The following ABT1 variants were observed in gnomAD, a reference collection of about 807,000 sequenced individuals.
ABT1 encodes the protein TATA-binding protein-binding protein.
A neutral mutation model predicts 14.0 loss-of-function variants in ABT1; 13 were observed. The ratio of observed to expected loss-of-function variants is 0.93; its 90% CI spans 0.61 to 1.48. The LOEUF is 1.48. ABT1 is among the 40% of genes most tolerant of loss of function. The pLI is 0.00. For synonymous variants in ABT1, 165 were observed against 144.6 expected (o/e 1.14, Z -1.01); for missense variants, 430 against 380.0 (o/e 1.13, Z -1.09).
Position 26,597,238 on chromosome 6 carries a change from C to T in ABT1, c.241+15C>T. On this transcript the variant is annotated intron_variant, in intron 1 of 2. Coordinates refer to ENST00000274849, the MANE Select transcript of ABT1 (RefSeq NM_013375.4). ...TCAGGCTGAGGGTAAGTATGCAGGCCCTGACGGTGACAGGAGGAGGTTGTC... is the reference window on the plus strand; with the variant it reads ...TCAGGCTGAGGGTAAGTATGCAGGCTCTGACGGTGACAGGAGGAGGTTGTC... 1 of 1,610,738 alleles carries T rather than the reference C, an allele frequency of 6.2e-7. No homozygotes were observed. Among genetic ancestry groups the T allele is most frequent in the Non-Finnish European group, 8.5e-7 (1 of 1,177,604 alleles).
rs782567643 is a variant in ABT1, at chr6:26,598,075, C to T, written c.403C>T (p.Arg135Cys). The T allele has an allele frequency of 1.6e-5, 26 of 1,613,292 alleles. No homozygotes were observed. The highest frequency in any genetic ancestry group is 3.3e-5 in the Admixed American group (2 of 59,970). Residue 135 changes from arginine (R) to cysteine (C), a missense_variant, in exon 2 of 3, where the codon CGC becomes TGC. Physicochemically the swap from Arg to Cys is radical, Grantham distance 180. Transcript: ENST00000274849. The stretch of plus-strand genomic sequence containing the variant: ...CAACACGCCTATGGGTGCCCGCAGG[C>T]GCAGCCCCTTCCGTTATGATCTTTG... ...LHNTPMGARR[R>C]SPFRYDLWNL...
intron 1 of ABT1, among the ~76,000 whole-genome samples, chr6:26,597,528 G>T (rs558633956): frequency 1.3e-5 from 2 of 152,278 alleles, no homozygotes; most frequent in African/African-American, 4.8e-5. Context: ...CCTGTTTACT[G>T]GTTTGTTACA....
At position 26,598,087 on chromosome 6, in the gene ABT1, C is replaced by T; in HGVS notation, c.415C>T (p.Arg139Cys). 6.2e-7 allele frequency: 1 copy of T among 1,610,944 alleles called. No individual in the cohort carries two copies. Reference sequence around the variant, plus strand: ...GGGTGCCCGCAGGCGCAGCCCCTTCCGTTATGATCTTTGGAACCTCAAGGT... The same window carrying T: ...GGGTGCCCGCAGGCGCAGCCCCTTCTGTTATGATCTTTGGAACCTCAAGGT... ...PMGARRRSPF[R>C]YDLWNLKYLH... The change falls in exon 2 of 3, where the codon CGT (arginine) becomes TGT (cysteine). Residue 139 changes from arginine to cysteine, a missense_variant. Coordinates refer to ENST00000274849, the MANE Select transcript of ABT1 (RefSeq NM_013375.4).
chr6:26,596,979 C>T lies in ABT1; in HGVS notation c.-4C>T. ...CGGCCGTCGTGCCGCTCGTGTCAGT[C>T]AACATGGAGGCAGAGGAATCGGAGA... On this transcript the variant is annotated 5_prime_UTR_variant, in exon 1 of 3. Coordinates refer to ENST00000274849, the MANE Select transcript of ABT1 (RefSeq NM_013375.4). 6.2e-7 allele frequency: 1 copy of T among 1,608,840 alleles called. No homozygotes were observed. The highest frequency in any genetic ancestry group is 8.5e-7 in the Non-Finnish European group (1 of 1,178,104).
In ABT1 at chr6:26,598,562, A is replaced by G. The variant is rs782106092; in HGVS notation, c.736A>G (p.Asn246Asp). The G allele has an allele frequency of 1.2e-6, 2 of 1,609,346 alleles. No homozygotes were observed. The highest frequency in any genetic ancestry group is 1.7e-6 in the Non-Finnish European group (2 of 1,176,530). ...AACTGCCCAGGACAAGGCCCGCTCCAACAAAGGGCTCCTGGCCAGGATCTT... is the reference window on the plus strand; with the variant it reads ...AACTGCCCAGGACAAGGCCCGCTCCGACAAAGGGCTCCTGGCCAGGATCTT... Reference protein sequence around the residue: ...LATAQDKARSNKGLLARIFGA... With the variant: ...LATAQDKARSDKGLLARIFGA... The change falls in exon 3 of 3, where the codon AAC (asparagine) becomes GAC (aspartate). Residue 246 changes from asparagine to aspartate, a missense_variant. Coordinates refer to ENST00000274849, the MANE Select transcript of ABT1 (RefSeq NM_013375.4).
chr6:26,597,921 C>A lies in ABT1; in HGVS notation c.249C>A (p.Phe83Leu). The A allele has an allele frequency of 1.9e-6, 3 of 1,610,636 alleles. No individual in the cohort carries two copies. Among genetic ancestry groups the A allele is most frequent in the Non-Finnish European group, 1.7e-6 (2 of 1,177,766 alleles). ...TTTGTCTTTGGCGCGCAGACCGGTT[C>A]GTGAGACGCAAGAAGAAGGCAGCAG... is the stretch of plus-strand genomic sequence containing the variant. ...GRVFFQAEDR[F>L]VRRKKKAAAA... Residue 83 changes from phenylalanine to leucine, a missense_variant, in exon 2 of 3, where the codon TTC (phenylalanine) becomes TTA (leucine). Coordinates refer to ENST00000274849, the MANE Select transcript of ABT1 (RefSeq NM_013375.4).
chr6:26,597,962 A>C lies in ABT1; in HGVS notation c.290A>C (p.Lys97Thr), dbSNP rs1329676700. Residue 97 changes from lysine to threonine, a missense_variant, in exon 2 of 3, where the codon AAA becomes ACA. Physicochemically the swap from Lys to Thr is moderately conservative, Grantham distance 78 (BLOSUM62 -1). Transcript: ENST00000274849. ...KKKAAAAAGG[K>T]KRSYTKDYTE... ...AAGGCAGCAGCAGCTGCCGGAGGAA[A>C]AAAGCGGTCCTACACCAAGGACTAC... The C allele has an allele frequency of 1.2e-6, 2 of 1,613,706 alleles. No homozygotes were observed. The highest frequency in any genetic ancestry group is 1.3e-5 in the African/African-American group (1 of 74,908).
Position 26,597,983 on chromosome 6 carries a change from A to G in ABT1, c.311A>G (p.Asp104Gly). 6.2e-7 allele frequency: 1 copy of G among 1,614,020 alleles called. No homozygotes were observed. The highest frequency in any genetic ancestry group is 8.5e-7 in the Non-Finnish European group (1 of 1,179,952). ...AGGKKRSYTK[D>G]YTEGWVEFRD... is the part of the protein sequence containing the mutation. ...GGAAAAAAGCGGTCCTACACCAAGG[A>G]CTACACCGAGGGATGGGTGGAGTTC... The change falls in exon 2 of 3, where the codon GAC (aspartate) becomes GGC (glycine). Residue 104 changes from aspartate (D) to glycine (G), a missense_variant. Transcript: ENST00000274849.
rs1352992234 is a variant in ABT1 at position 26,599,456 on chromosome 6, G to A, written c.*811G>A. ...TCGTGGTAGATGCATATAAAGGGTG[G>A]AATGGGAGCCATGGCAGGTCATAGA... On this transcript the variant is annotated 3_prime_UTR_variant, in exon 3 of 3. Coordinates refer to ENST00000274849, the MANE Select transcript of ABT1 (RefSeq NM_013375.4). 1.3e-5 allele frequency: 2 copies of A among 152,302 alleles called. No individual in the cohort carries two copies. The highest frequency in any genetic ancestry group is 1.3e-4 in the Admixed American group (2 of 15,296). The allele number at this position is 152,302 out of a possible 1,614,324, so 9.4% of individuals were successfully genotyped here.
At position 26,597,141 on chromosome 6, in the gene ABT1, C is replaced by T. The variant is rs142551107; in HGVS notation, c.159C>T (p.Ile53=). 4 of 1,614,066 alleles carry T rather than the reference C, an allele frequency of 2.5e-6. No homozygotes were observed. Among genetic ancestry groups the T allele is most frequent in the African/African-American group, 2.7e-5 (2 of 74,940 alleles). ...VVPGIVYLGH[I]PPRFRPLHVR... is the part of the protein sequence containing the mutation. ...CAGGTATTGTGTACCTGGGCCATAT[C>T]CCGCCGCGCTTCCGGCCCCTGCACG... The change falls in exon 1 of 3, where the codon ATC becomes ATT. Residue 53 remains isoleucine, a synonymous_variant. Coordinates refer to ENST00000274849, the MANE Select transcript of ABT1 (RefSeq NM_013375.4).
chr6:26,598,744 T>C lies in ABT1; in HGVS notation c.*99T>C, dbSNP rs1032461635. ...TACCCGGGCAGACATTTTACTGTGTTTCTCAGACCAAGTGTCTACTGATGG... is the reference window on the plus strand; with the variant it reads ...TACCCGGGCAGACATTTTACTGTGTCTCTCAGACCAAGTGTCTACTGATGG... On this transcript the variant is annotated 3_prime_UTR_variant, in exon 3 of 3. Transcript: ENST00000274849. 1.4e-6 allele frequency: 2 copies of C among 1,435,438 alleles called. No individual in the cohort carries two copies. The allele number at this position is 1,435,438 out of a possible 1,614,324, so 88.9% of individuals were successfully genotyped here.
In ABT1 at chr6:26,600,381, T is replaced by A. The variant is rs943245597; in HGVS notation, c.*1736T>A. On this transcript the variant is annotated 3_prime_UTR_variant, in exon 3 of 3. Coordinates refer to ENST00000274849, the MANE Select transcript of ABT1 (RefSeq NM_013375.4). ...CATACTGGGGTTTTATTTAAGACTT[T>A]CTTGAATGAAGAAATAAATTGCATT... 4 of 152,332 alleles carry A rather than the reference T, an allele frequency of 2.6e-5. No homozygotes were observed. The East Asian group carries it at 7.7e-4, about 29-fold the overall frequency. The allele number at this position is 152,332 out of a possible 1,614,324, so 9.4% of individuals were successfully genotyped here. A position where few individuals can be genotyped will look rare whatever the true frequency, so the allele number is the denominator to read the frequency against.
At chr6:26,597,683 T>A (rs1332097095) in intron 1 of ABT1, among the ~76,000 whole-genome samples, 2 of 152,178 alleles carry the variant, frequency 1.3e-5, no homozygotes, top group East Asian at 3.8e-4. Flanking sequence ...TGAGGACTTG[T>A]GCCGGTTTTA....
At position 26,597,947 on chromosome 6, in the gene ABT1, C is replaced by T. The variant is rs374428829; in HGVS notation, c.275C>T (p.Ala92Val). The T allele has an allele frequency of 1.2e-5, 19 of 1,613,222 alleles. No homozygotes were observed. The highest frequency in any genetic ancestry group is 4.0e-5 in the African/African-American group (3 of 74,908). ...GTGAGACGCAAGAAGAAGGCAGCAG[C>T]AGCTGCCGGAGGAAAAAAGCGGTCC... is the stretch of plus-strand genomic sequence containing the variant. ...RFVRRKKKAA[A>V]AAGGKKRSYT... The change falls in exon 2 of 3, where the codon GCA becomes GTA. Residue 92 changes from alanine (A) to valine (V), a missense_variant. Ala to Val is a moderately conservative substitution (Grantham distance 64). Transcript: ENST00000274849.
rs1554144525 is a variant in ABT1, at chr6:26,597,004, A to C, written c.22A>C (p.Lys8Gln). 3 of 1,612,318 alleles carry C rather than the reference A, an allele frequency of 1.9e-6. No homozygotes were observed. The highest frequency in any genetic ancestry group is 2.5e-6 in the Non-Finnish European group (3 of 1,179,522). The change falls in exon 1 of 3, where the codon AAG becomes CAG. Residue 8 changes from lysine to glutamine, a missense_variant. Physicochemically the swap from Lys to Gln is moderately conservative, Grantham distance 53. Coordinates refer to ENST00000274849, the MANE Select transcript of ABT1 (RefSeq NM_013375.4). ...CAACATGGAGGCAGAGGAATCGGAG[A>C]AGGCCGCAACGGAGCAAGAGCCGCT... MEAEESE[K>Q]AATEQEPLEG...
In ABT1 at chr6:26,598,847, A is replaced by T; in HGVS notation, c.*202A>T. 1.8e-6 allele frequency: 1 copy of T among 556,230 alleles called. No individual in the cohort carries two copies. The highest frequency in any genetic ancestry group is 3.0e-6 in the Non-Finnish European group (1 of 330,576). 34.5% of individuals were successfully genotyped at this position (556,230 alleles called of 1,614,324 possible). On this transcript the variant is annotated 3_prime_UTR_variant, in exon 3 of 3. Coordinates refer to ENST00000274849, the MANE Select transcript of ABT1 (RefSeq NM_013375.4). ...TGTGCCTGGCTGAGTCACCTAATTC[A>T]TACTGTCATACTAGCATAATTATGA... is the stretch of plus-strand genomic sequence containing the variant.
chr6:26,596,955 G>A lies in ABT1; in HGVS notation c.-28G>A. 2 of 1,598,754 alleles carry A rather than the reference G, an allele frequency of 1.3e-6. No homozygotes were observed. The highest frequency in any genetic ancestry group is 1.1e-5 in the South Asian group (1 of 89,168). On this transcript the variant is annotated 5_prime_UTR_variant, in exon 1 of 3. Coordinates refer to ENST00000274849, the MANE Select transcript of ABT1 (RefSeq NM_013375.4). ...TGCGTCAGTTGGCAAGGCACTTTAC[G>A]GCCGTCGTGCCGCTCGTGTCAGTCA...
rs1170842854 is a variant in ABT1 at position 26,598,672 on chromosome 6, T to C, written c.*27T>C. 18 of 1,517,282 alleles carry C rather than the reference T, an allele frequency of 1.2e-5. No individual in the cohort carries two copies. The highest frequency in any genetic ancestry group is 2.3e-5 in the East Asian group (1 of 43,950). 94.0% of individuals were successfully genotyped at this position (1,517,282 alleles called of 1,614,324 possible). A position where few individuals can be genotyped will look rare whatever the true frequency, so the allele number is the denominator to read the frequency against. The stretch of plus-strand genomic sequence containing the variant: ...GGCCTGGGTGGCCCCTTCCATTTCC[T>C]GGCCCTGCTCTGCTTCCTGTCTACC... On this transcript the variant is annotated 3_prime_UTR_variant, in exon 3 of 3. Transcript: ENST00000274849.
rs1554144770 is a variant in ABT1, at chr6:26,598,266, A to T, written c.440A>T (p.Tyr147Phe). ...TCTTTTCTTCTTTTCTGCCCACAGTACTTGCACCGTTTCACCTGGTCCCAC... is the reference window on the plus strand; with the variant it reads ...TCTTTTCTTCTTTTCTGCCCACAGTTCTTGCACCGTTTCACCTGGTCCCAC... ...PFRYDLWNLK[Y>F]LHRFTWSHLS... The change falls in exon 3 of 3, where the codon TAC becomes TTC. Residue 147 changes from tyrosine to phenylalanine, a missense_variant and splice_region_variant. Physicochemically the swap from Tyr to Phe is conservative, Grantham distance 22. Transcript: ENST00000274849. 1.4e-5 allele frequency: 22 copies of T among 1,611,932 alleles called. No individual in the cohort carries two copies. In the East Asian group the frequency reaches 4.9e-4, roughly 36 times the overall value.
Sources: allele counts gnomAD v4.1 joint callset (sites outside exome capture counted in the v4.1 genomes callset), GRCh38; gene constraint gnomAD v4.1.1; transcripts MANE v1.5; gene names NCBI Gene and HGNC (gene_info 2026-07-23, HGNC 2026-07-21).